The following USP47 variants were observed in gnomAD, a reference collection of about 807,000 sequenced individuals.
USP47 encodes the protein ubiquitin carboxyl-terminal hydrolase 47.
A neutral mutation model predicts 165.1 loss-of-function variants in USP47; 35 were observed. That is an observed-to-expected ratio of 0.21 (90% CI 0.16 to 0.28). The LOEUF is 0.28. Ranked by LOEUF, USP47 falls within the 10% of genes least tolerant of loss-of-function variation. The pLI, the probability that USP47 is intolerant of heterozygous loss-of-function variation, is 1.00. For synonymous variants in USP47, 531 were observed against 544.5 expected, an observed-to-expected ratio of 0.98 and a Z score of 0.35; for missense variants, 1,277 against 1,607.4, an observed-to-expected ratio of 0.79 and a Z score of 3.52.
At chr11:11,930,873 G>T in intron 14 of USP47, 122 bp downstream of exon 14, 1 of 677,054 alleles carries the variant, frequency 1.5e-6, no homozygotes, top group Non-Finnish European at 2.4e-6. Flanking sequence ...ATGCCTGGAA[G>T]AATTATTTAC....
chr11:11,877,854 TGTGTGC>T (rs1469995162), intron 1 of USP47, among the ~76,000 whole-genome samples: 1,317 of 73,224 alleles, frequency 0.018, 14 homozygotes, highest in African/African-American at 0.04. Context: ...TGTGTGTGTG[TGTGTGC>T]GCGCGCGCAG....
At position 11,905,350 on chromosome 11, in the gene USP47, A is replaced by C. The variant is rs76274156; in HGVS notation, c.820-49A>C. 3.7e-3 allele frequency: 5,317 copies of C among 1,426,886 alleles called. 53 individuals carry two copies. The highest frequency in any genetic ancestry group is 0.025 in the African/African-American group (1,764 of 70,146). The allele number at this position is 1,426,886 out of a possible 1,614,324, so 88.4% of individuals were successfully genotyped here. A position where few individuals can be genotyped will look rare whatever the true frequency, so the allele number is the denominator to read the frequency against. Reference sequence around the variant, plus strand: ...AAAAGTGTAGAATGTTACATGTTTTAAAGGTTATTTTTAAGGAACACTTAA... The same window carrying C: ...AAAAGTGTAGAATGTTACATGTTTTCAAGGTTATTTTTAAGGAACACTTAA... On this transcript the variant is annotated intron_variant, in intron 7 of 27. Coordinates refer to ENST00000527733, the MANE Select transcript of USP47 (RefSeq NM_001282659.2).
chr11:11,933,694 AAG>A, intron 15 of USP47, 135 bp from the exon 16 acceptor site: 1 of 585,594 alleles, frequency 1.7e-6, no homozygotes, highest in South Asian at 2.1e-5. Context: ...CTAAGTGAGA[AAG>A]AATAGATAGA....
At chr11:11,885,266 C>T (rs953512231) in intron 3 of USP47, among the ~76,000 whole-genome samples, 4 of 152,054 alleles carry the variant, frequency 2.6e-5, no homozygotes, top group Admixed American at 6.5e-5. Flanking sequence ...GAAATAGCTG[C>T]GGTCCACAGT....
intron 11 of USP47, among the ~76,000 whole-genome samples, chr11:11,927,959 A>ATATACAATTC: frequency 6.6e-6 from 1 of 152,170 alleles, no homozygotes; most frequent in African/African-American, 2.4e-5. Context: ...TAAAATAGAT[A>ATATACAATTC]TATACAATTC....
chr11:11,941,243 G>C (rs949151051), intron 19 of USP47, among the ~76,000 whole-genome samples: 1 of 151,718 alleles, frequency 6.6e-6, no homozygotes, highest in Non-Finnish European at 1.5e-5. Context: ...GTGTGGTGGG[G>C]GAGGGGATGT....
chr11:11,950,407 T>C lies in USP47; in HGVS notation c.3508T>C (p.Phe1170Leu). ...AACATGGAAGAATCCTGGCACTGTC[T>C]TTTTGGATTATCATATTTATGAAGA... ...KKTWKNPGTV[F>L]LDYHIYEEDI... The change falls in exon 24 of 28, where the codon TTT becomes CTT. Residue 1170 changes from phenylalanine to leucine, a missense_variant. Physicochemically the swap from Phe to Leu is conservative, Grantham distance 22 (BLOSUM62 0). Around this residue, in one of 4 missense-constraint regions of USP47, gnomAD observed 909 missense variants for 1,068.1 expected, o/e 0.85. Coordinates refer to ENST00000527733, the MANE Select transcript of USP47 (RefSeq NM_001282659.2). 6.2e-7 allele frequency: 1 copy of C among 1,608,422 alleles called. No individual in the cohort carries two copies. The highest frequency in any genetic ancestry group is 1.3e-5 in the African/African-American group (1 of 74,760).
chr11:11,943,112 T>G lies in USP47; in HGVS notation c.3091T>G (p.Trp1031Gly). The part of the protein sequence containing the change: ...ADEGSGEGHK[W>G]LMVHVDKRIT... ...TGAAGGTTCTGGGGAAGGACATAAA[T>G]GTATGTACTTCAAAAGAAAAACGGT... Residue 1031 changes from tryptophan (W) to glycine (G), a missense_variant and splice_region_variant, in exon 20 of 28, where the codon TGG becomes GGG. By Grantham distance (184) the Trp-to-Gly change is radical (BLOSUM62 -2). Around this residue, in one of 4 missense-constraint regions of USP47, gnomAD observed 909 missense variants for 1,068.1 expected, o/e 0.85. Transcript: ENST00000527733. The G allele has an allele frequency of 6.3e-7, 1 of 1,590,022 alleles. No homozygotes were observed. The highest frequency in any genetic ancestry group is 8.5e-7 in the Non-Finnish European group (1 of 1,170,884).
intron 1 of USP47, among the ~76,000 whole-genome samples, chr11:11,846,329 A>T (rs1476411413): frequency 1.3e-5 from 2 of 152,160 alleles, no homozygotes; most frequent in Non-Finnish European, 2.9e-5. Flanking sequence ...AATAGGAAAA[A>T]CTTAGAATAG....
chr11:11,880,855 T>A (rs1397022632), intron 2 of USP47, among the ~76,000 whole-genome samples: 1 of 152,176 alleles, frequency 6.6e-6, no homozygotes, highest in Non-Finnish European at 1.5e-5. Context: ...TATTTGTGTG[T>A]CTATGTGCAT....
chr11:11,909,682 T>C (rs1852823342), intron 8 of USP47, among the ~76,000 whole-genome samples: 1 of 152,208 alleles, frequency 6.6e-6, no homozygotes, highest in Non-Finnish European at 1.5e-5. Flanking sequence ...TTACGTACAT[T>C]TAAATACCTG....
At position 11,842,176 on chromosome 11, in the gene USP47, G is replaced by T. The variant is rs771158460; in HGVS notation, c.-10G>T. ...CCCGGCAGGGCGGAGAGGAGCGGCC[G>T]GAGTCAGCGATGGTGCCCGGCGAGG... On this transcript the variant is annotated 5_prime_UTR_variant, in exon 1 of 28. Coordinates refer to ENST00000527733, the MANE Select transcript of USP47 (RefSeq NM_001282659.2). The T allele has an allele frequency of 2.1e-5, 33 of 1,552,760 alleles. No individual in the cohort carries two copies. Among genetic ancestry groups the T allele is most frequent in the Non-Finnish European group, 2.9e-5 (33 of 1,147,318 alleles).
chr11:11,917,663 A>G (rs540365386), intron 8 of USP47, among the ~76,000 whole-genome samples: 58 of 152,202 alleles, frequency 3.8e-4, no homozygotes, highest in Admixed American at 3.6e-3. Context: ...GGTGGGAAAA[A>G]AAGAGGTCCA....
chr11:11,948,551 A>C lies in USP47; in HGVS notation c.3341A>C (p.Glu1114Ala). 1 of 1,608,558 alleles carries C rather than the reference A, an allele frequency of 6.2e-7. No individual in the cohort carries two copies. Among genetic ancestry groups the C allele is most frequent in the Non-Finnish European group, 8.5e-7 (1 of 1,175,266 alleles). ...AAAGTATACCAGCTTTTGGTCAATG[A>C]ACAAGAGGTAAGTAATACGTTTAAG... ...RVKVYQLLVN[E>A]QEPCKFLLDA... Residue 1114 changes from glutamate to alanine, a missense_variant, in exon 22 of 28, where the codon GAA becomes GCA. Glu to Ala is a moderately radical substitution (Grantham distance 107). Around this residue, in one of 4 missense-constraint regions of USP47, gnomAD observed 909 missense variants for 1,068.1 expected, o/e 0.85. Coordinates refer to ENST00000527733, the MANE Select transcript of USP47 (RefSeq NM_001282659.2).
Position 11,952,848 on chromosome 11 carries a change from A to G in USP47, c.3691A>G (p.Ser1231Gly). 1 of 1,607,400 alleles carries G rather than the reference A, an allele frequency of 6.2e-7. No homozygotes were observed. Residue 1231 changes from serine (S) to glycine (G), a missense_variant, in exon 25 of 28, where the codon AGT becomes GGT. By Grantham distance (56) the Ser-to-Gly change is moderately conservative. This residue lies in a region of USP47 where 909 missense variants were observed against 1,068.1 expected (regional missense o/e 0.85). Coordinates refer to ENST00000527733, the MANE Select transcript of USP47 (RefSeq NM_001282659.2). ...CCAGGAGGTTGTATTGGAAAGCAGTAGTGTGGACGAATTGCGAGAGAAGGT... is the reference window on the plus strand; with the variant it reads ...CCAGGAGGTTGTATTGGAAAGCAGTGGTGTGGACGAATTGCGAGAGAAGGT... The part of the protein sequence containing the change: ...PFQEVVLESS[S>G]VDELREKLSE...
In USP47 at chr11:11,889,153, C is replaced by T. The variant is rs368213334; in HGVS notation, c.358-2815C>T. ...TGAAAACTGGCACAAAATGAGAATG[C>T]CCTCTTTTACTACTCCTATTTGACA... On this transcript the variant is annotated intron_variant, in intron 3 of 27. Coordinates refer to ENST00000527733, the MANE Select transcript of USP47 (RefSeq NM_001282659.2). 8.0e-4 allele frequency among the ~76,000 whole-genome samples: 122 copies of T among 152,192 alleles called. 2 individuals carry two copies. In the South Asian group the frequency reaches 0.023, roughly 29 times the overall value.
At chr11:11,852,429 C>G (rs1240604878) in intron 1 of USP47, among the ~76,000 whole-genome samples, 1 of 151,990 alleles carries the variant, frequency 6.6e-6, no homozygotes, top group African/African-American at 2.4e-5. Flanking sequence ...GGTGCTTTTT[C>G]TGGTGGGCTT....
rs1300345230 is a variant in USP47, at chr11:11,959,350, C to A, written c.*3175C>A. 2 of 152,106 alleles carry A rather than the reference C, an allele frequency of 1.3e-5. No homozygotes were observed. The highest frequency in any genetic ancestry group is 4.8e-5 in the African/African-American group (2 of 41,424). 9.4% of individuals were successfully genotyped at this position (152,106 alleles called of 1,614,324 possible). On this transcript the variant is annotated 3_prime_UTR_variant, in exon 28 of 28. Transcript: ENST00000527733. ...ACAATTCTGTGTAATTTTTGAAAAA[C>A]ATCAACATTTTGGTCACTAGTAGTC... is the stretch of plus-strand genomic sequence containing the variant.
chr11:11,843,751 CATGAT>C (rs923518523), intron 1 of USP47, among the ~76,000 whole-genome samples: 2 of 152,130 alleles, frequency 1.3e-5, no homozygotes, highest in African/African-American at 2.4e-5. Flanking sequence ...TTATAGAAAA[CATGAT>C]ATGATAATAG....
Sources: allele counts gnomAD v4.1 joint callset (sites outside exome capture counted in the v4.1 genomes callset), GRCh38; gene constraint gnomAD v4.1.1; regional missense constraint gnomAD v4.1.1; transcripts MANE v1.5; gene names NCBI Gene and HGNC (gene_info 2026-07-23, HGNC 2026-07-21).